TNR: variants seen among roughly 807,000 people sequenced by gnomAD.
TNR encodes the protein tenascin R.
TNR carries 45 observed loss-of-function variants against 150.4 expected under a neutral mutation model. That is an observed-to-expected ratio of 0.30 (90% CI 0.24 to 0.38). TNR has a LOEUF of 0.38. Among genes scored for constraint, TNR ranks in the 10% least tolerant of loss-of-function variants. TNR has a pLI of 1.00. For synonymous variants in TNR, 687 were observed against 678.4 expected (o/e 1.01, Z -0.20); for missense variants, 1,544 against 1,759.1 (o/e 0.88, Z 2.19).
intron 18 of TNR, among the ~76,000 whole-genome samples, chr1:175,339,544 TCTC>T (rs1650417084): frequency 6.6e-6 from 1 of 152,182 alleles, no homozygotes; most frequent in African/African-American, 2.4e-5. Flanking sequence ...ACTGCTATTA[TCTC>T]CTCATTCTTG....
At chr1:175,411,684 T>C (rs1033560213) in intron 2 of TNR, among the ~76,000 whole-genome samples, 1 of 151,812 alleles carries the variant, frequency 6.6e-6, no homozygotes, top group Non-Finnish European at 1.5e-5. Context: ...AGTTGTCTTC[T>C]TAAAAGTACA....
chr1:175,582,287 G>A (rs553237941), intron 1 of TNR, among the ~76,000 whole-genome samples: 10 of 152,280 alleles, frequency 6.6e-5, no homozygotes, highest in Middle Eastern at 3.4e-3. Flanking sequence ...ATTTGCTATT[G>A]CAAGAGCTAG....
intron 1 of TNR, among the ~76,000 whole-genome samples, chr1:175,669,538 G>A (rs1448198489): frequency 1.3e-5 from 2 of 152,232 alleles, no homozygotes; most frequent in Non-Finnish European, 2.9e-5. Context: ...ATCTTCAGGT[G>A]TTCCTCTCAC....
At chr1:175,510,789 T>C (rs536601424) in intron 2 of TNR, among the ~76,000 whole-genome samples, 1 of 152,358 alleles carries the variant, frequency 6.6e-6, no homozygotes, top group East Asian at 1.9e-4. Flanking sequence ...AGTAAATTAA[T>C]GAGATAGCTT....
intron 1 of TNR, among the ~76,000 whole-genome samples, chr1:175,533,548 T>C (rs1660152992): frequency 6.6e-6 from 1 of 152,224 alleles, no homozygotes; most frequent in Non-Finnish European, 1.5e-5. Flanking sequence ...TGCTGAGGCT[T>C]AATAAAGTCA....
chr1:175,695,854 C>G (rs1306838814), intron 1 of TNR, among the ~76,000 whole-genome samples: 1 of 152,208 alleles, frequency 6.6e-6, no homozygotes, highest in Non-Finnish European at 1.5e-5. Context: ...AGACTTCAAG[C>G]TCCTCAAGGC....
chr1:175,346,254 T>C (rs1650777641), intron 18 of TNR, among the ~76,000 whole-genome samples: 1 of 152,208 alleles, frequency 6.6e-6, no homozygotes, highest in African/African-American at 2.4e-5. Context: ...TTTATTTATA[T>C]TGTCTTAAAT....
chr1:175,671,710 G>C (rs1029882918), intron 1 of TNR, among the ~76,000 whole-genome samples: 5 of 152,098 alleles, frequency 3.3e-5, no homozygotes, highest in African/African-American at 1.2e-4. Context: ...AAATTAACTG[G>C]GTTTGTCATA....
At chr1:175,432,478 G>A (rs1655320446) in intron 2 of TNR, among the ~76,000 whole-genome samples, 1 of 152,136 alleles carries the variant, frequency 6.6e-6, no homozygotes, top group African/African-American at 2.4e-5. Flanking sequence ...GGTAACACCT[G>A]CATTACATTT....
At chr1:175,456,302 C>T (rs1477230942) in intron 2 of TNR, among the ~76,000 whole-genome samples, 3 of 152,226 alleles carry the variant, frequency 2.0e-5, no homozygotes, top group Non-Finnish European at 2.9e-5. Context: ...CTATTTAAAG[C>T]GGACTCTTCC....
intron 2 of TNR, among the ~76,000 whole-genome samples, chr1:175,461,529 C>T (rs1032914069): frequency 6.6e-5 from 10 of 152,164 alleles, no homozygotes; most frequent in Non-Finnish European, 1.5e-4. Flanking sequence ...CAAATAACCT[C>T]CAAGGAACTT....
At chr1:175,331,046 T>TTTCTTTCTTTCCTTCCTTCCTTCC (rs1557867533) in intron 20 of TNR, among the ~76,000 whole-genome samples, 80 of 82,966 alleles carry the variant, frequency 9.6e-4, no homozygotes, top group African/African-American at 3.5e-3. Flanking sequence ...TCTTTCTTTC[T>TTTCTTTCTTTCCTTCCTTCCTTCC]TTCTTTCTTT....
chr1:175,625,379 G>A (rs935810193), intron 1 of TNR, among the ~76,000 whole-genome samples: 8 of 152,242 alleles, frequency 5.3e-5, no homozygotes, highest in Admixed American at 3.3e-4. Context: ...CTGGTAAAGG[G>A]GGACACAGGA....
chr1:175,729,618 C>G (rs186136395), intron 1 of TNR, among the ~76,000 whole-genome samples: 1 of 152,096 alleles, frequency 6.6e-6, no homozygotes, highest in African/African-American at 2.4e-5. Flanking sequence ...CCCTCCCTTC[C>G]TTTTCTTTCA....
At chr1:175,424,863 G>A (rs952491991) in intron 2 of TNR, among the ~76,000 whole-genome samples, 1 of 152,048 alleles carries the variant, frequency 6.6e-6, no homozygotes, top group East Asian at 1.9e-4. Context: ...TCTGGAGCAC[G>A]TGCTCAGAAA....
chr1:175,552,739 C>T (rs1295482377), intron 1 of TNR, among the ~76,000 whole-genome samples: 1 of 152,176 alleles, frequency 6.6e-6, no homozygotes, highest in Non-Finnish European at 1.5e-5. Context: ...CCTGTCTGTC[C>T]ACCACATCAA....
intron 1 of TNR, among the ~76,000 whole-genome samples, chr1:175,579,300 G>C (rs1047300446): frequency 2.0e-5 from 3 of 151,864 alleles, no homozygotes; most frequent in Non-Finnish European, 4.4e-5. Flanking sequence ...TATAACACAA[G>C]ATATTTTACA....
chr1:175,403,300 C>T lies in TNR; in HGVS notation c.816G>A (p.Gly272=). The T allele has an allele frequency of 6.2e-7, 1 of 1,614,198 alleles. No individual in the cohort carries two copies. The highest frequency in any genetic ancestry group is 8.5e-7 in the Non-Finnish European group (1 of 1,180,022). ...RELRCPGDCS[G]KGRCANGTCL... ...AGGTACCGTTGGCACATCTCCCCTT[C>T]CCCGAACAGTCCCCAGGGCACCTCA... Residue 272 remains glycine (G), a synonymous_variant, in exon 4 of 23, where the codon GGG becomes GGA. Coordinates refer to ENST00000367674, the MANE Select transcript of TNR (RefSeq NM_003285.3).
At chr1:175,712,397 C>T (rs1667041979) in intron 1 of TNR, among the ~76,000 whole-genome samples, 1 of 152,028 alleles carries the variant, frequency 6.6e-6, no homozygotes, top group South Asian at 2.1e-4. Flanking sequence ...AGTGAGGAGA[C>T]CACTGCAATA....
Sources: gnomAD v4.1 joint callset for allele counts (sites outside exome capture counted in the v4.1 genomes callset) on GRCh38, gnomAD v4.1.1 for gene constraint, MANE v1.5 for transcripts, NCBI Gene and HGNC (gene_info 2026-07-23, HGNC 2026-07-21) for gene names.